Variants in FGD4 observed in about 807,000 individuals in gnomAD.
FGD4 encodes the protein FYVE, RhoGEF and PH domain containing 4.
In FGD4, 42 loss-of-function variants were observed where a neutral mutation model predicts 102.0. That is an observed-to-expected ratio of 0.41 (90% CI 0.32 to 0.53). The LOEUF is 0.53. Among genes scored for constraint, FGD4 ranks in the 20% least tolerant of loss-of-function variants. The pLI is 0.21. For missense variants in FGD4, 902 were observed against 1,078.2 expected (o/e 0.84, Z 2.29); for synonymous variants, 380 against 375.7 (o/e 1.01, Z -0.13).
chr12:32,524,545 A>T (rs1940935197), intron 1 of FGD4, among the ~76,000 whole-genome samples: 1 of 151,748 alleles, frequency 6.6e-6, no homozygotes, highest in Non-Finnish European at 1.5e-5. Context: ...AACAGAAAAA[A>T]ATATGTGGCA....
intron 1 of FGD4, among the ~76,000 whole-genome samples, chr12:32,400,605 C>G (rs571800621): frequency 6.6e-6 from 1 of 152,196 alleles, no homozygotes; most frequent in Non-Finnish European, 1.5e-5. Context: ...TCAAGGCGAT[C>G]TATTCAAGGC....
intron 2 of FGD4, among the ~76,000 whole-genome samples, chr12:32,565,065 A>G (rs986820833): frequency 1.3e-5 from 2 of 152,246 alleles, no homozygotes; most frequent in African/African-American, 4.8e-5. Flanking sequence ...CATTGTCAGA[A>G]TTACTACAGT....
chr12:32,405,913 A>C (rs1290462528), intron 1 of FGD4, among the ~76,000 whole-genome samples: 10 of 152,018 alleles, frequency 6.6e-5, no homozygotes. Context: ...ATTGATTGAA[A>C]AAGGATTAGA....
intron 1 of FGD4, among the ~76,000 whole-genome samples, chr12:32,462,813 C>T (rs1943143678): frequency 6.6e-6 from 1 of 152,180 alleles, no homozygotes; most frequent in African/African-American, 2.4e-5. Context: ...GTGAAATTTT[C>T]ATCAGCTCAC....
At chr12:32,461,882 A>G (rs1350095630) in intron 1 of FGD4, among the ~76,000 whole-genome samples, 1 of 152,050 alleles carries the variant, frequency 6.6e-6, no homozygotes, top group Admixed American at 6.6e-5. Context: ...GCCCGCCACC[A>G]CGCCAGGCTA....
At chr12:32,494,209 T>A (rs1249630068) in intron 1 of FGD4, among the ~76,000 whole-genome samples, 2 of 152,184 alleles carry the variant, frequency 1.3e-5, no homozygotes, top group Non-Finnish European at 2.9e-5. Context: ...CAGCTAACTT[T>A]TTAATTTTAT....
At chr12:32,560,617 T>A (rs1286232049) in intron 1 of FGD4, among the ~76,000 whole-genome samples, 3 of 152,206 alleles carry the variant, frequency 2.0e-5, no homozygotes, top group Non-Finnish European at 4.4e-5. Flanking sequence ...TCTTGTTATA[T>A]TTTACTAAAC....
At chr12:32,414,652 C>T (rs932989271) in intron 1 of FGD4, among the ~76,000 whole-genome samples, 1 of 152,060 alleles carries the variant, frequency 6.6e-6, no homozygotes, top group Non-Finnish European at 1.5e-5. Context: ...TTTTTTAGCA[C>T]CCACAAATAA....
At chr12:32,536,102 C>T (rs1168555888) in intron 1 of FGD4, among the ~76,000 whole-genome samples, 2 of 150,650 alleles carry the variant, frequency 1.3e-5, no homozygotes, top group East Asian at 1.9e-4. Flanking sequence ...TTTTAATGAC[C>T]TGAAAAAACT....
At chr12:32,609,443 T>C (rs2136745837) in intron 8 of FGD4, among the ~76,000 whole-genome samples, 1 of 152,290 alleles carries the variant, frequency 6.6e-6, no homozygotes, top group African/African-American at 2.4e-5. Context: ...TCTAGAGCAG[T>C]GGCTTTATCC....
chr12:32,526,973 G>C (rs758702388), intron 1 of FGD4, among the ~76,000 whole-genome samples: 1 of 151,944 alleles, frequency 6.6e-6, no homozygotes, highest in Non-Finnish European at 1.5e-5. Context: ...TATTCTCCCA[G>C]CTAACAGTAA....
Position 32,399,696 on chromosome 12 carries a change from T to C in FGD4, c.-98T>C. The C allele has an allele frequency of 1.4e-6, 2 of 1,463,340 alleles. No individual in the cohort carries two copies. Among genetic ancestry groups the C allele is most frequent in the East Asian group, 5.5e-5 (2 of 36,682 alleles). 90.6% of individuals were successfully genotyped at this position (1,463,340 alleles called of 1,614,324 possible). A position where few individuals can be genotyped will look rare whatever the true frequency, so the allele number is the denominator to read the frequency against. On this transcript the variant is annotated 5_prime_UTR_variant, in exon 1 of 17. Coordinates refer to ENST00000534526, the MANE Select transcript of FGD4 (RefSeq NM_001370298.3). ...GCCGCAGTAGAGGGCGCCCCCGGAGTCGCGCCGAACCTGGGCATGCAGGCG... is the reference window on the plus strand; with the variant it reads ...GCCGCAGTAGAGGGCGCCCCCGGAGCCGCGCCGAACCTGGGCATGCAGGCG...
intron 1 of FGD4, among the ~76,000 whole-genome samples, chr12:32,528,203 C>G (rs994367045): frequency 2.6e-5 from 4 of 152,158 alleles, no homozygotes; most frequent in Non-Finnish European, 5.9e-5. Flanking sequence ...TCCCAGAGTG[C>G]TGGGATTACA....
At chr12:32,581,899 C>G (rs1304633936) in intron 3 of FGD4, 61 bp from the exon 4 acceptor site, 1 of 1,585,812 alleles carries the variant, frequency 6.3e-7, no homozygotes, top group Non-Finnish European at 8.6e-7. Flanking sequence ...ATAAACTTGT[C>G]TTAATTCTAG....
At chr12:32,469,666 G>GTTTT (rs550710652) in intron 1 of FGD4, among the ~76,000 whole-genome samples, 2 of 141,212 alleles carry the variant, frequency 1.4e-5, no homozygotes, top group South Asian at 2.2e-4. Flanking sequence ...TTTCTTCTTT[G>GTTTT]TTTTTTTTTT....
chr12:32,619,708 T>C lies in FGD4; in HGVS notation c.1760T>C (p.Met587Thr). The change falls in exon 11 of 17, where the codon ATG becomes ACG. Residue 587 changes from methionine (M) to threonine (T), a missense_variant. Coordinates refer to ENST00000534526, the MANE Select transcript of FGD4 (RefSeq NM_001370298.3). The part of the protein sequence containing the change: ...QERYLFLFNN[M>T]LLYCVPKFSL... Reference sequence around the variant, plus strand: ...TCTCGTTCCTTGCAGTTCAACAACATGTTGCTGTACTGTGTGCCCAAATTC... The same window carrying C: ...TCTCGTTCCTTGCAGTTCAACAACACGTTGCTGTACTGTGTGCCCAAATTC... 6.2e-7 allele frequency: 1 copy of C among 1,614,122 alleles called. No individual in the cohort carries two copies. The highest frequency in any genetic ancestry group is 1.1e-5 in the South Asian group (1 of 91,072).
At chr12:32,560,134 G>A (rs1274802373) in intron 1 of FGD4, among the ~76,000 whole-genome samples, 1 of 152,154 alleles carries the variant, frequency 6.6e-6, no homozygotes, top group Non-Finnish European at 1.5e-5. Flanking sequence ...AGGCCAAGTG[G>A]TTGCATGATG....
At chr12:32,455,990 C>T (rs1942937908) in intron 1 of FGD4, among the ~76,000 whole-genome samples, 1 of 152,132 alleles carries the variant, frequency 6.6e-6, no homozygotes, top group Non-Finnish European at 1.5e-5. Context: ...GACGAGTGCA[C>T]TTTCAGTTTG....
chr12:32,630,044 A>G (rs1393426090), intron 14 of FGD4, among the ~76,000 whole-genome samples: 1 of 152,148 alleles, frequency 6.6e-6, no homozygotes, highest in Non-Finnish European at 1.5e-5. Flanking sequence ...CGTGTCCTCC[A>G]GGCCCCATGG....
Sources: gnomAD v4.1 joint callset for allele counts (sites outside exome capture counted in the v4.1 genomes callset) on GRCh38, gnomAD v4.1.1 for gene constraint, MANE v1.5 for transcripts, NCBI Gene and HGNC (gene_info 2026-07-23, HGNC 2026-07-21) for gene names.